ZPBP: variants seen among roughly 807,000 people sequenced by gnomAD.
ZPBP encodes the protein zona pellucida binding protein.
Under a neutral mutation model 44.8 loss-of-function variants are expected in ZPBP, and 26 were observed. The ratio of observed to expected loss-of-function variants is 0.58; its 90% CI spans 0.43 to 0.81. The LOEUF is 0.81. ZPBP is among the 30% of genes least tolerant of loss of function. The pLI is 0.00. For synonymous variants in ZPBP, 174 were observed against 153.2 expected (o/e 1.14, Z -1.00); for missense variants, 409 against 434.0 (o/e 0.94, Z 0.51).
Position 49,982,047 on chromosome 7 carries a change from G to GATTATATAATTATATGA in ZPBP, c.961+1278_961+1294dup, listed in dbSNP as rs1797000631. Among the ~76,000 whole-genome samples the GATTATATAATTATATGA allele has an allele frequency of 1.4e-4, 2 of 14,444 alleles. 1 individual carries two copies. Among genetic ancestry groups the GATTATATAATTATATGA allele is most frequent in the Non-Finnish European group, 2.2e-4 (2 of 8,996 alleles). The allele number at this position is 14,444 out of a possible 152,430, so 9.5% of individuals were successfully genotyped here. On this transcript the variant is annotated intron_variant, in intron 7 of 7. Coordinates refer to ENST00000046087, the MANE Select transcript of ZPBP (RefSeq NM_007009.3). ...ATTATATAATTATATGAATTATATAGATTATATAATTATATGAATTATATA... is the reference window on the plus strand; with the variant it reads ...ATTATATAATTATATGAATTATATAGATTATATAATTATATGAATTATATAATTATATGAATTATATA...
chr7:50,011,595 C>T (rs1351611943), intron 6 of ZPBP, among the ~76,000 whole-genome samples: 4 of 152,050 alleles, frequency 2.6e-5, no homozygotes, highest in South Asian at 2.1e-4. Context: ...TAATATATTC[C>T]GCAAGGCTAA....
intron 2 of ZPBP, among the ~76,000 whole-genome samples, chr7:49,900,138 T>G (rs1417579882): frequency 6.6e-6 from 1 of 151,678 alleles, no homozygotes; most frequent in African/African-American, 2.4e-5. Context: ...TTAGTTTATT[T>G]TAAACTAAAT....
chr7:50,042,083 G>C (rs1800121619), intron 4 of ZPBP, among the ~76,000 whole-genome samples: 2 of 152,126 alleles, frequency 1.3e-5, no homozygotes, highest in Admixed American at 1.3e-4. Context: ...AGAGATTGAA[G>C]ATCAACTTAA....
chr7:49,895,776 G>C (rs1792359095), intron 2 of ZPBP, among the ~76,000 whole-genome samples: 1 of 151,844 alleles, frequency 6.6e-6, no homozygotes. Context: ...AAATTAAGTA[G>C]CATATAAATA....
At chr7:49,925,639 T>C (rs1399950086) in intron 1 of ZPBP, among the ~76,000 whole-genome samples, 2 of 152,246 alleles carry the variant, frequency 1.3e-5, no homozygotes, top group African/African-American at 4.8e-5. Context: ...GTTAACTATG[T>C]GACTGAAAAG....
At chr7:49,900,701 T>C (rs1475585811) in intron 2 of ZPBP, among the ~76,000 whole-genome samples, 2 of 151,804 alleles carry the variant, frequency 1.3e-5, no homozygotes, top group African/African-American at 2.4e-5. Flanking sequence ...TGGACCCAGA[T>C]AGGATCACTG....
rs185675798 is a variant in ZPBP, at chr7:49,954,925, T to C, written c.962-17303A>G. Among the ~76,000 whole-genome samples, 10 of 152,340 alleles carry C rather than the reference T, an allele frequency of 6.6e-5. No homozygotes were observed. In the East Asian group the frequency reaches 1.7e-3, roughly 26 times the overall value. On this transcript the variant is annotated intron_variant, in intron 7 of 7. Coordinates refer to ENST00000046087, the MANE Select transcript of ZPBP (RefSeq NM_007009.3). ...ATAACATTTATCAAGATGTGCCAGA[T>C]TTCTGGCCAGAAAACAATCTTCATA...
intron 7 of ZPBP, among the ~76,000 whole-genome samples, chr7:49,950,722 T>A (rs1795304807): frequency 6.6e-6 from 1 of 151,680 alleles, no homozygotes; most frequent in African/African-American, 2.4e-5. Flanking sequence ...ATTAGAGATT[T>A]TTTCATGCCT....
At chr7:49,993,531 T>G (rs530577733) in intron 6 of ZPBP, among the ~76,000 whole-genome samples, 2 of 152,314 alleles carry the variant, frequency 1.3e-5, no homozygotes, top group South Asian at 4.1e-4. Context: ...ATAAATGTTT[T>G]TCTCTATATT....
At chr7:49,923,754 G>T (rs943829620) in intron 1 of ZPBP, among the ~76,000 whole-genome samples, 1 of 151,820 alleles carries the variant, frequency 6.6e-6, no homozygotes, top group Non-Finnish European at 1.5e-5. Flanking sequence ...TATTTCTTTC[G>T]GTGAATTTCT....
At chr7:50,011,448 A>G (rs1798579477) in intron 6 of ZPBP, among the ~76,000 whole-genome samples, 1 of 152,194 alleles carries the variant, frequency 6.6e-6, no homozygotes, top group Non-Finnish European at 1.5e-5. Context: ...CACAAAGTCT[A>G]AAATATTTAC....
chr7:49,941,849 G>C (rs1794898911), intron 7 of ZPBP, among the ~76,000 whole-genome samples: 1 of 152,022 alleles, frequency 6.6e-6, no homozygotes, highest in Non-Finnish European at 1.5e-5. Context: ...CACATTTCCT[G>C]ATTTTAAAAC....
At chr7:50,061,097 A>G (rs1006070227) in intron 3 of ZPBP, among the ~76,000 whole-genome samples, 1 of 152,160 alleles carries the variant, frequency 6.6e-6, no homozygotes, top group Non-Finnish European at 1.5e-5. Flanking sequence ...AAAGCCATTC[A>G]ATGAAATTCA....
chr7:49,968,093 T>TA (rs1232962253), intron 7 of ZPBP, among the ~76,000 whole-genome samples: 11 of 152,124 alleles, frequency 7.2e-5, no homozygotes, highest in Non-Finnish European at 1.0e-4. Context: ...ACTAATTTTT[T>TA]AAAAAAACAT....
chr7:49,900,484 G>A (rs1037820629), intron 2 of ZPBP, among the ~76,000 whole-genome samples: 10 of 151,782 alleles, frequency 6.6e-5, no homozygotes, highest in African/African-American at 2.2e-4. Flanking sequence ...CATCATTACA[G>A]ATCCCATGGA....
chr7:49,990,665 CAAA>C (rs1014123631), intron 6 of ZPBP, among the ~76,000 whole-genome samples: 2 of 144,216 alleles, frequency 1.4e-5, no homozygotes, highest in Non-Finnish European at 3.1e-5. Flanking sequence ...GTTCAGGAAA[CAAA>C]AAAAAAACTG....
intron 2 of ZPBP, among the ~76,000 whole-genome samples, chr7:50,082,937 C>T (rs1168566638): frequency 6.6e-6 from 1 of 151,766 alleles, no homozygotes; most frequent in Non-Finnish European, 1.5e-5. Context: ...GATTTACTGG[C>T]CCTACTCTCC....
chr7:49,958,245 C>A (rs1562800810), intron 7 of ZPBP, among the ~76,000 whole-genome samples: 1 of 152,154 alleles, frequency 6.6e-6, no homozygotes, highest in Admixed American at 6.5e-5. Flanking sequence ...AGACTCTAGA[C>A]TTTGAACATT....
chr7:49,893,346 T>A (rs983963025), intron 2 of ZPBP, among the ~76,000 whole-genome samples: 1 of 152,088 alleles, frequency 6.6e-6, no homozygotes, highest in Non-Finnish European at 1.5e-5. Flanking sequence ...TCCCTGGGAG[T>A]CACTGAGAAA....
Sources: gnomAD v4.1 joint callset for allele counts (sites outside exome capture counted in the v4.1 genomes callset) on GRCh38, gnomAD v4.1.1 for gene constraint, MANE v1.5 for transcripts, NCBI Gene and HGNC (gene_info 2026-07-23, HGNC 2026-07-21) for gene names.